CPS1: variants seen among roughly 807,000 people sequenced by gnomAD.
CPS1 encodes carbamoyl-phosphate synthase [ammonia], mitochondrial.
A neutral mutation model predicts 174.6 loss-of-function variants in CPS1; 109 were observed. The observed-to-expected ratio is 0.62, with a 90% CI of 0.53 to 0.73. The LOEUF (loss-of-function observed/expected upper bound fraction) is 0.73. CPS1 is among the 30% of genes least tolerant of loss of function. CPS1 has a pLI of 0.00. For missense variants in CPS1, 1,689 were observed against 1,821.9 expected, an observed-to-expected ratio of 0.93 and a Z score of 1.33; for synonymous variants, 637 against 632.0, an observed-to-expected ratio of 1.01 and a Z score of -0.12.
At chr2:210,575,380 A>G (rs1185277355) in intron 2 of CPS1, among the ~76,000 whole-genome samples, 4 of 152,044 alleles carry the variant, frequency 2.6e-5, no homozygotes, top group East Asian at 1.9e-4. Flanking sequence ...GAGAGCAGGA[A>G]AAAAACCTCA....
chr2:210,498,675 C>T (rs1695066519), intron 1 of CPS1, among the ~76,000 whole-genome samples: 1 of 152,144 alleles, frequency 6.6e-6, no homozygotes, highest in Non-Finnish European at 1.5e-5. Context: ...AGAGATCTAT[C>T]TAGGCATGGA....
intron 1 of CPS1, among the ~76,000 whole-genome samples, chr2:210,548,762 GCCCTA>G (rs1696630462): frequency 6.6e-6 from 1 of 151,936 alleles, no homozygotes; most frequent in East Asian, 1.9e-4. Context: ...AGGTACTCCT[GCCCTA>G]TGACTCAACT....
chr2:210,676,178 A>G (rs1701527816), intron 36 of CPS1, among the ~76,000 whole-genome samples: 1 of 152,240 alleles, frequency 6.6e-6, no homozygotes, highest in Non-Finnish European at 1.5e-5. Context: ...ATGACCAGCT[A>G]TATTTCACTA....
intron 22 of CPS1, among the ~76,000 whole-genome samples, chr2:210,638,151 T>C (rs1294768106): frequency 6.6e-6 from 1 of 152,240 alleles, no homozygotes; most frequent in Non-Finnish European, 1.5e-5. Flanking sequence ...TGTTCAAATA[T>C]GTAAGTAGTT....
At chr2:210,630,137 A>T (rs1343539331) in intron 21 of CPS1, among the ~76,000 whole-genome samples, 2 of 151,746 alleles carry the variant, frequency 1.3e-5, no homozygotes, top group Non-Finnish European at 2.9e-5. Flanking sequence ...GTGGTTTATT[A>T]TGGCTCAAAA....
rs1321283847 is a variant in CPS1, at chr2:210,573,398, G to A, written c.227G>A (p.Gly76Asp). 1 of 1,609,962 alleles carries A rather than the reference G, an allele frequency of 6.2e-7. No homozygotes were observed. Among genetic ancestry groups the A allele is most frequent in the African/African-American group, 1.3e-5 (1 of 74,794 alleles). ...SVAGEVVFNT[G>D]LGGYPEAITD... ...GCTGGTGAAGTGGTTTTTAATACTG[G>A]CCTGGGAGGGTGAGTAATGCTTTTC... Residue 76 changes from glycine (G) to aspartate (D), a missense_variant, in exon 2 of 38, where the codon GGC (glycine) becomes GAC (aspartate). Transcript: ENST00000233072.
At chr2:210,562,172 T>C in intron 1 of CPS1, among the ~76,000 whole-genome samples, 1 of 152,338 alleles carries the variant, frequency 6.6e-6, no homozygotes, top group Non-Finnish European at 1.5e-5. Context: ...ATGAGAAACC[T>C]TATTAGAATA....
chr2:210,641,108 C>T (rs1190577692), intron 24 of CPS1, among the ~76,000 whole-genome samples: 1 of 152,004 alleles, frequency 6.6e-6, no homozygotes, highest in East Asian at 1.9e-4. Flanking sequence ...GAACAAATTC[C>T]CTCCATCAAA....
chr2:210,512,467 G>T (rs1390212684), intron 1 of CPS1, among the ~76,000 whole-genome samples: 2 of 151,522 alleles, frequency 1.3e-5, no homozygotes, highest in Non-Finnish European at 2.9e-5. Flanking sequence ...TTGGTTTTTT[G>T]TTCCTGCATT....
At chr2:210,608,213 A>G (rs112569151) in intron 18 of CPS1, 148 bp from the exon 19 acceptor site, 1 of 704,686 alleles carries the variant, frequency 1.4e-6, no homozygotes. Context: ...GCAAGTGGCT[A>G]CTAAATATTG....
intron 1 of CPS1, among the ~76,000 whole-genome samples, chr2:210,498,165 T>C (rs1443335027): frequency 6.6e-6 from 1 of 151,924 alleles, no homozygotes; most frequent in Non-Finnish European, 1.5e-5. Flanking sequence ...CTCTGATGAT[T>C]AGTTATGTGG....
intron 28 of CPS1, 129 bp downstream of exon 28, chr2:210,650,567 A>G (rs1384798897): frequency 5.3e-6 from 4 of 758,634 alleles, no homozygotes; most frequent in African/African-American, 5.2e-5. Flanking sequence ...TTTTCACACA[A>G]TGTGTTAGAA....
chr2:210,510,169 C>G (rs1052744311), intron 1 of CPS1, among the ~76,000 whole-genome samples: 9 of 152,126 alleles, frequency 5.9e-5, no homozygotes, highest in African/African-American at 2.2e-4. Flanking sequence ...GTACTGGTAC[C>G]AAAACAGAGA....
chr2:210,629,652 A>G (rs1418808632), intron 21 of CPS1, among the ~76,000 whole-genome samples: 1 of 151,730 alleles, frequency 6.6e-6, no homozygotes, highest in African/African-American at 2.4e-5. Context: ...ATAACTTACT[A>G]CTTTGGTTAG....
intron 1 of CPS1, among the ~76,000 whole-genome samples, chr2:210,478,926 C>CG (rs2105937598): frequency 2.6e-5 from 1 of 39,112 alleles, no homozygotes; most frequent in Non-Finnish European, 8.0e-5. Context: ...CCCCTCCCCC[C>CG]TTCCCCCCTC....
intron 1 of CPS1, among the ~76,000 whole-genome samples, chr2:210,517,038 G>A (rs1171683940): frequency 6.6e-6 from 1 of 151,458 alleles, no homozygotes. Context: ...GCTGAGTTTT[G>A]GCTTAGTCTT....
chr2:210,571,069 T>C (rs1697463925), intron 1 of CPS1, among the ~76,000 whole-genome samples: 1 of 151,958 alleles, frequency 6.6e-6, no homozygotes, highest in Admixed American at 6.6e-5. Context: ...ATTTCCTGGA[T>C]ACAGAAGCAG....
chr2:210,611,805 C>T (rs1200386064), intron 19 of CPS1, among the ~76,000 whole-genome samples: 3 of 151,746 alleles, frequency 2.0e-5, no homozygotes. Flanking sequence ...ATGCTTCAAC[C>T]TTGAATTTCT....
At chr2:210,565,123 A>T (rs928400206) in intron 1 of CPS1, among the ~76,000 whole-genome samples, 40 of 152,264 alleles carry the variant, frequency 2.6e-4, no homozygotes, top group African/African-American at 8.9e-4. Context: ...AAAATTATAA[A>T]GTAAGATTAA....
Sources: gnomAD v4.1 joint callset for allele counts (sites outside exome capture counted in the v4.1 genomes callset) on GRCh38, gnomAD v4.1.1 for gene constraint, MANE v1.5 for transcripts, NCBI Gene and HGNC (gene_info 2026-07-23, HGNC 2026-07-21) for gene names.